Variants in HPSE2 observed in about 807,000 individuals in gnomAD.
HPSE2 encodes the protein heparanase 2 (inactive), also known as inactive heparanase-2.
In HPSE2, 38 loss-of-function variants were observed where a neutral mutation model predicts 60.5. That is an observed-to-expected ratio of 0.63 (90% CI 0.48 to 0.82). The LOEUF (loss-of-function observed/expected upper bound fraction) is 0.82, where lower values mean the gene tolerates loss of function less well. Ranked by LOEUF, HPSE2 falls within the 40% of genes least tolerant of loss-of-function variation. The pLI, the probability that HPSE2 is intolerant of heterozygous loss-of-function variation, is 0.00. For missense variants in HPSE2, 713 were observed against 740.4 expected (o/e 0.96, Z 0.43); for synonymous variants, 295 against 293.2 (o/e 1.01, Z -0.06).
chr10:98,943,236 ATAC>A (rs1255092572), intron 3 of HPSE2, among the ~76,000 whole-genome samples: 2 of 151,686 alleles, frequency 1.3e-5, no homozygotes, highest in African/African-American at 2.4e-5. Flanking sequence ...TATAATAATA[ATAC>A]AATAAAAAAT....
At chr10:99,051,038 C>A (rs1957979255) in intron 3 of HPSE2, among the ~76,000 whole-genome samples, 1 of 151,710 alleles carries the variant, frequency 6.6e-6, no homozygotes, top group Non-Finnish European at 1.5e-5. Context: ...TTGTTAATAT[C>A]CAATAAAAAA....
In HPSE2 at chr10:98,949,182, T is replaced by G. The variant is rs571376813; in HGVS notation, c.610+195056A>C. On this transcript the variant is annotated intron_variant, in intron 3 of 11. Coordinates refer to ENST00000370552, the MANE Select transcript of HPSE2 (RefSeq NM_021828.5). ...ATAACCAAGTGTTTTAAAAGAATTTTTGTTTCTAACAATAATCCTTTAAAA... is the reference window on the plus strand; with the variant it reads ...ATAACCAAGTGTTTTAAAAGAATTTGTGTTTCTAACAATAATCCTTTAAAA... Among the ~76,000 whole-genome samples, 3 of 152,182 alleles carry G rather than the reference T, an allele frequency of 2.0e-5. No individual in the cohort carries two copies. The East Asian group carries it at 5.8e-4, about 29-fold the overall frequency.
chr10:98,755,794 G>A (rs567162677), intron 3 of HPSE2, among the ~76,000 whole-genome samples: 22 of 152,124 alleles, frequency 1.4e-4, no homozygotes, highest in East Asian at 5.8e-4. Flanking sequence ...TCAGGAGATC[G>A]AGACCATCCT....
At chr10:99,095,288 TG>T (rs1843682676) in intron 3 of HPSE2, among the ~76,000 whole-genome samples, 1 of 152,216 alleles carries the variant, frequency 6.6e-6, no homozygotes, top group Admixed American at 6.5e-5. Flanking sequence ...GTATTCAGCA[TG>T]GTAAAGTTAG....
chr10:98,710,788 T>C (rs1948656967), intron 5 of HPSE2, among the ~76,000 whole-genome samples: 1 of 152,208 alleles, frequency 6.6e-6, no homozygotes, highest in Non-Finnish European at 1.5e-5. Flanking sequence ...AGTTGGCAAA[T>C]TTGTACCACA....
At chr10:99,262,007 G>C in the HPSE2 span, among the ~76,000 whole-genome samples, 1 of 152,178 alleles carries the variant, frequency 6.6e-6, no homozygotes, top group Admixed American at 6.5e-5. Context: ...CTGGAACTCT[G>C]GCCCGAGGCT....
chr10:99,193,095 CAT>C (rs1268222224), intron 2 of HPSE2, among the ~76,000 whole-genome samples: 1 of 152,000 alleles, frequency 6.6e-6, no homozygotes, highest in Non-Finnish European at 1.5e-5. Flanking sequence ...CTTTTCAAGA[CAT>C]AGACAGTACA....
chr10:98,601,220 G>A (rs139126073), intron 9 of HPSE2, among the ~76,000 whole-genome samples: 12 of 152,074 alleles, frequency 7.9e-5, no homozygotes, highest in African/African-American at 2.7e-4. Flanking sequence ...AGGGTAATCT[G>A]CTTTACTCAA....
chr10:99,187,328 A>C (rs1277077310), intron 2 of HPSE2, among the ~76,000 whole-genome samples: 1 of 152,164 alleles, frequency 6.6e-6, no homozygotes, highest in East Asian at 1.9e-4. Flanking sequence ...TTGAAAGAAG[A>C]CTGGTTATTT....
chr10:98,925,295 TG>T (rs1490247908), intron 3 of HPSE2, among the ~76,000 whole-genome samples: 1 of 152,160 alleles, frequency 6.6e-6, no homozygotes, highest in Admixed American at 6.5e-5. Context: ...GGACAAACAG[TG>T]AAGGCTTCTA....
At chr10:98,968,824 T>C (rs887165696) in intron 3 of HPSE2, among the ~76,000 whole-genome samples, 1 of 151,716 alleles carries the variant, frequency 6.6e-6, no homozygotes, top group African/African-American at 2.4e-5. Flanking sequence ...AATGATATAA[T>C]AGACTCTGGG....
chr10:98,672,557 C>T (rs1947533779), intron 6 of HPSE2, among the ~76,000 whole-genome samples: 1 of 152,104 alleles, frequency 6.6e-6, no homozygotes, highest in South Asian at 2.1e-4. Context: ...AGTTTCAGTG[C>T]CATAAATTTG....
At chr10:99,064,672 A>T (rs1250569326) in intron 3 of HPSE2, among the ~76,000 whole-genome samples, 3 of 151,736 alleles carry the variant, frequency 2.0e-5, no homozygotes, top group African/African-American at 7.3e-5. Flanking sequence ...TTAACATTTA[A>T]AAGTTTTGCC....
chr10:98,523,505 G>A (rs1249822571), intron 9 of HPSE2, among the ~76,000 whole-genome samples: 1 of 152,134 alleles, frequency 6.6e-6, no homozygotes, highest in Non-Finnish European at 1.5e-5. Flanking sequence ...GAAAACTGCA[G>A]GCTGGAAGAT....
At chr10:98,858,486 G>C (rs901385073) in intron 3 of HPSE2, among the ~76,000 whole-genome samples, 4 of 152,096 alleles carry the variant, frequency 2.6e-5, no homozygotes, top group African/African-American at 9.7e-5. Context: ...TGGTTTTAAT[G>C]CCACAATTTT....
intron 3 of HPSE2, among the ~76,000 whole-genome samples, chr10:98,806,687 C>T (rs1951049279): frequency 1.3e-5 from 2 of 152,152 alleles, no homozygotes; most frequent in South Asian, 4.1e-4. Flanking sequence ...GGATATAATA[C>T]TTTTTAAGTA....
intron 9 of HPSE2, among the ~76,000 whole-genome samples, chr10:98,538,181 T>C (rs1342150057): frequency 3.9e-5 from 6 of 152,202 alleles, no homozygotes; most frequent in South Asian, 2.1e-4. Context: ...TGCGTCTTGA[T>C]GGTAGTGGTC....
chr10:98,997,758 T>G (rs1374417172), intron 3 of HPSE2, among the ~76,000 whole-genome samples: 1 of 152,232 alleles, frequency 6.6e-6, no homozygotes. Flanking sequence ...ACATCTGGCC[T>G]GCAACATGGC....
intron 6 of HPSE2, among the ~76,000 whole-genome samples, chr10:98,682,169 T>C (rs935087395): frequency 1.3e-5 from 2 of 152,138 alleles, no homozygotes; most frequent in Non-Finnish European, 2.9e-5. Context: ...GGTTAGGGAT[T>C]TCTCCCAAGA....
Sources: gnomAD v4.1 joint callset for allele counts (sites outside exome capture counted in the v4.1 genomes callset) on GRCh38, gnomAD v4.1.1 for gene constraint, MANE v1.5 for transcripts, NCBI Gene and HGNC (gene_info 2026-07-23, HGNC 2026-07-21) for gene names.